XIRP2: variants seen among roughly 807,000 people sequenced by gnomAD.
The protein encoded by XIRP2 is xin actin binding repeat containing 2, also known as xin actin-binding repeat-containing protein 2.
A neutral mutation model predicts 277.0 loss-of-function variants in XIRP2; 236 were observed. The observed-to-expected ratio is 0.85, with a 90% CI of 0.77 to 0.95. The LOEUF is 0.95. Among genes scored for constraint, XIRP2 ranks in the 40% least tolerant of loss-of-function variants. The pLI is 0.00. For synonymous variants in XIRP2, 1,490 were observed against 1,416.5 expected, an observed-to-expected ratio of 1.05 and a Z score of -1.17; for missense variants, 4,640 against 4,157.5, an observed-to-expected ratio of 1.12 and a Z score of -3.19.
intron 3 of XIRP2, among the ~76,000 whole-genome samples, chr2:167,144,924 A>G (rs2105326493): frequency 6.6e-6 from 1 of 152,250 alleles, no homozygotes; most frequent in South Asian, 2.1e-4. Flanking sequence ...TAACTAATCA[A>G]GTTAAGAATT....
intron 5 of XIRP2, among the ~76,000 whole-genome samples, chr2:167,222,210 T>G (rs1222529912): frequency 6.6e-6 from 1 of 152,198 alleles, no homozygotes; most frequent in Admixed American, 6.5e-5. Context: ...ATTTTAAACT[T>G]AGGATGATGT....
rs1010562326 is a variant in XIRP2 at position 167,245,144 on chromosome 2, T to C, written c.3752T>C (p.Ile1251Thr). The C allele has an allele frequency of 5.6e-6, 9 of 1,612,580 alleles. No individual in the cohort carries two copies. The highest frequency in any genetic ancestry group is 1.6e-4 in the Middle Eastern group (1 of 6,068). Residue 1251 changes from isoleucine (I) to threonine (T), a missense_variant, in exon 9 of 11, where the codon ATA becomes ACA. Ile to Thr is a moderately conservative substitution (Grantham distance 89). Coordinates refer to ENST00000409195, the MANE Select transcript of XIRP2 (RefSeq NM_152381.6). Reference protein sequence around the residue: ...WLFENQPIDKIKESQEGDECV... With the variant: ...WLFENQPIDKTKESQEGDECV... Reference sequence around the variant, plus strand: ...TTTGAAAACCAACCAATTGATAAGATAAAAGAAAGCCAAGAAGGTGATGAA... The same window carrying C: ...TTTGAAAACCAACCAATTGATAAGACAAAAGAAAGCCAAGAAGGTGATGAA...
At chr2:167,155,604 A>G (rs1443338130) in intron 3 of XIRP2, among the ~76,000 whole-genome samples, 1 of 152,174 alleles carries the variant, frequency 6.6e-6, no homozygotes, top group Admixed American at 6.5e-5. Flanking sequence ...TCTCAAAATA[A>G]TAAGAGCTAT....
At position 167,007,699 on chromosome 2, in the gene XIRP2, TCTCTCACACA is replaced by T. The variant is rs1359863891; in HGVS notation, c.408+103811_408+103820del. Among the ~76,000 whole-genome samples the T allele has an allele frequency of 3.6e-4, 44 of 123,416 alleles. 1 individual carries two copies. Among genetic ancestry groups the T allele is most frequent in the African/African-American group, 1.2e-3 (34 of 28,046 alleles). The allele number at this position is 123,416 out of a possible 152,430, so 81.0% of individuals were successfully genotyped here. On this transcript the variant is annotated intron_variant, in intron 2 of 10. Coordinates refer to ENST00000409195, the MANE Select transcript of XIRP2 (RefSeq NM_152381.6). ...TGTACACTCTCTCTCTCTCTCTCTC[TCTCTCACACA>T]CACACACACACACACACACACACAC...
intron 2 of XIRP2, among the ~76,000 whole-genome samples, chr2:167,038,475 A>G (rs1051700630): frequency 6.6e-6 from 1 of 150,656 alleles, no homozygotes; most frequent in Non-Finnish European, 1.5e-5. Context: ...ATGGAATCAA[A>G]CATTATCCTA....
chr2:166,896,898 C>T (rs1482566299), intron 1 of XIRP2, among the ~76,000 whole-genome samples: 2 of 152,090 alleles, frequency 1.3e-5, no homozygotes, highest in Admixed American at 6.6e-5. Flanking sequence ...TGTTTAGATA[C>T]ACAAATACTT....
chr2:167,179,195 A>C (rs575010512), intron 3 of XIRP2, among the ~76,000 whole-genome samples: 6 of 152,294 alleles, frequency 3.9e-5, no homozygotes, highest in African/African-American at 1.4e-4. Context: ...TTTTAATGCA[A>C]ATAATGTCTT....
Position 167,248,538 on chromosome 2 carries a change from C to T in XIRP2, c.7146C>T (p.Ser2382=). 2 of 1,613,696 alleles carry T rather than the reference C, an allele frequency of 1.2e-6. No homozygotes were observed. Among genetic ancestry groups the T allele is most frequent in the South Asian group, 1.1e-5 (1 of 91,074 alleles). ...AAAAGCCAGCACATCTCCTTTCCTC[C>T]TCTGCTCCGGAAAAGCACAGTGGAG... ...PSQKPAHLLS[S]SAPEKHSGDF... Residue 2382 remains serine, a synonymous_variant, in exon 9 of 11, where the codon TCC becomes TCT. Transcript: ENST00000409195.
At chr2:167,228,887 C>T (rs1040795820) in intron 5 of XIRP2, among the ~76,000 whole-genome samples, 2 of 152,120 alleles carry the variant, frequency 1.3e-5, no homozygotes, top group Non-Finnish European at 2.9e-5. Flanking sequence ...CTATTTGTTC[C>T]TATAGAACCT....
chr2:167,086,919 G>T (rs961268902), intron 2 of XIRP2, among the ~76,000 whole-genome samples: 1 of 151,920 alleles, frequency 6.6e-6, no homozygotes, highest in South Asian at 2.1e-4. Flanking sequence ...TAATTTGATC[G>T]TCTGAAGCCT....
intron 2 of XIRP2, among the ~76,000 whole-genome samples, chr2:167,134,408 C>A (rs1284919184): frequency 6.6e-6 from 1 of 151,628 alleles, no homozygotes; most frequent in East Asian, 1.9e-4. Context: ...AAAAGCTTTT[C>A]TTTTCTAACC....
At position 167,243,293 on chromosome 2, in the gene XIRP2, C is replaced by T; in HGVS notation, c.1901C>T (p.Ser634Phe). ...QPIDTLGAYS[S>F]DTVENAEKIP... is the part of the protein sequence containing the mutation. ...ATCGACACACTTGGGGCTTATTCTT[C>T]TGACACTGTAGAAAATGCAGAGAAA... The change falls in exon 9 of 11, where the codon TCT becomes TTT. Residue 634 changes from serine (S) to phenylalanine (F), a missense_variant. Transcript: ENST00000409195. The T allele has an allele frequency of 3.1e-6, 5 of 1,613,672 alleles. No homozygotes were observed. The highest frequency in any genetic ancestry group is 4.2e-6 in the Non-Finnish European group (5 of 1,179,800).
chr2:167,168,599 A>G (rs1217641488), intron 3 of XIRP2, among the ~76,000 whole-genome samples: 1 of 151,504 alleles, frequency 6.6e-6, no homozygotes, highest in South Asian at 2.1e-4. Context: ...GTTTTTTCTT[A>G]TTTTTTGTTT....
chr2:166,998,784 T>A (rs1055245778), intron 2 of XIRP2, among the ~76,000 whole-genome samples: 1 of 152,188 alleles, frequency 6.6e-6, no homozygotes, highest in African/African-American at 2.4e-5. Flanking sequence ...ATATTTTCTT[T>A]GTCTTGCTTC....
intron 2 of XIRP2, among the ~76,000 whole-genome samples, chr2:166,925,508 G>T (rs1445746786): frequency 6.7e-6 from 1 of 149,754 alleles, no homozygotes. Context: ...TGCTGCAAAT[G>T]GCTATCTTTA....
At chr2:167,157,769 A>C (rs1692243636) in intron 3 of XIRP2, among the ~76,000 whole-genome samples, 1 of 152,174 alleles carries the variant, frequency 6.6e-6, no homozygotes, top group African/African-American at 2.4e-5. Flanking sequence ...TGATTGTGAA[A>C]AATGTTGCAA....
At chr2:167,188,674 C>A (rs1222436535) in intron 3 of XIRP2, among the ~76,000 whole-genome samples, 1 of 152,198 alleles carries the variant, frequency 6.6e-6, no homozygotes, top group Non-Finnish European at 1.5e-5. Flanking sequence ...TCTGCCTAAT[C>A]TTTGAGTATT....
intron 2 of XIRP2, among the ~76,000 whole-genome samples, chr2:167,071,455 C>T (rs947608085): frequency 2.0e-5 from 3 of 152,164 alleles, no homozygotes; most frequent in Admixed American, 1.3e-4. Context: ...CCTGCCAAGA[C>T]ACCTGGGAAG....
At chr2:167,160,951 G>C (rs1692345688) in intron 3 of XIRP2, among the ~76,000 whole-genome samples, 1 of 152,150 alleles carries the variant, frequency 6.6e-6, no homozygotes, top group South Asian at 2.1e-4. Flanking sequence ...ACAGGTATTG[G>C]GTAAATAACA....
Sources: allele counts gnomAD v4.1 joint callset (sites outside exome capture counted in the v4.1 genomes callset), GRCh38; gene constraint gnomAD v4.1.1; transcripts MANE v1.5; gene names NCBI Gene and HGNC (gene_info 2026-07-23, HGNC 2026-07-21).